Variants in HYDIN observed in about 807,000 individuals in gnomAD.
The protein encoded by HYDIN is axonemal central pair apparatus protein HYDIN.
HYDIN carries 132 observed loss-of-function variants against 403.9 expected under a neutral mutation model. The ratio of observed to expected loss-of-function variants is 0.33; its 90% CI spans 0.28 to 0.38. The LOEUF is 0.38. Ranked by LOEUF, HYDIN falls within the 10% of genes least tolerant of loss-of-function variation. HYDIN has a pLI of 1.00. For missense variants in HYDIN, 2,827 were observed against 5,009.5 expected, an observed-to-expected ratio of 0.56 and a Z score of 13.15; for synonymous variants, 1,202 against 1,891.7, an observed-to-expected ratio of 0.64 and a Z score of 9.46.
intron 10 of HYDIN, among the ~76,000 whole-genome samples, chr16:71,106,734 A>T (rs980663090): frequency 1.5e-4 from 23 of 151,496 alleles, no homozygotes; most frequent in African/African-American, 4.9e-4. Flanking sequence ...GAGCAAAAGT[A>T]GCAACATAGA....
In HYDIN at chr16:70,932,299, G is replaced by A. The variant is rs2077367423; in HGVS notation, c.7158+3653C>T. Among the ~76,000 whole-genome samples the A allele has an allele frequency of 2.0e-5, 3 of 152,242 alleles. No homozygotes were observed. The South Asian group carries it at 6.2e-4, about 32-fold the overall frequency. ...GAACATGGGAAGCGGAGGTTGCAGT[G>A]AGCCGAGATCGAGCCACTGCATTCC... On this transcript the variant is annotated intron_variant, in intron 45 of 85. Transcript: ENST00000393567.
intron 45 of HYDIN, among the ~76,000 whole-genome samples, chr16:70,934,223 C>T (rs890446548): frequency 2.6e-5 from 4 of 151,724 alleles, no homozygotes; most frequent in Admixed American, 6.6e-5. Context: ...GGGTAGGAAA[C>T]GGGGAGGCAG....
rs1278331247 is a variant in HYDIN, at chr16:71,170,425, G to C, written c.516+5182C>G. 5.9e-5 allele frequency among the ~76,000 whole-genome samples: 9 copies of C among 152,046 alleles called. No homozygotes were observed. The South Asian group carries it at 6.2e-4, about 11-fold the overall frequency. ...AGGAAGTACCACATCACCTGTGAAG[G>C]ATTCTTGATCAAAAAGAAAAAATTG... On this transcript the variant is annotated intron_variant, in intron 5 of 85. Coordinates refer to ENST00000393567, the MANE Select transcript of HYDIN (RefSeq NM_001270974.2).
rs369447981 is a variant in HYDIN at position 70,892,369 on chromosome 16, G to T, written c.9409C>A (p.Arg3137Ser). Residue 3137 changes from arginine to serine, a missense_variant, in exon 56 of 86, where the codon CGC becomes AGC. Transcript: ENST00000393567. Reference sequence around the variant, plus strand: ...CTTTGGAGCTCTCTTACCTGACAGCGCAGAACAGGCTGGTGCTCAATCTTC... The same window carrying T: ...CTTTGGAGCTCTCTTACCTGACAGCTCAGAACAGGCTGGTGCTCAATCTTC... ...EVKIEHQPVL[R>S]CQIIEPNISE... 6.4e-7 allele frequency: 1 copy of T among 1,559,836 alleles called. No homozygotes were observed. The highest frequency in any genetic ancestry group is 2.2e-5 in the East Asian group (1 of 44,676).
intron 1 of HYDIN, among the ~76,000 whole-genome samples, chr16:71,200,250 T>C (rs1176688296): frequency 1.3e-5 from 2 of 152,200 alleles, no homozygotes; most frequent in African/African-American, 4.8e-5. Context: ...GGCTGCTCTG[T>C]CTATGGAGTA....
At chr16:71,192,384 C>A in intron 1 of HYDIN, among the ~76,000 whole-genome samples, 1 of 152,146 alleles carries the variant, frequency 6.6e-6, no homozygotes, top group East Asian at 1.9e-4. Context: ...CCACAGTGAC[C>A]TTTCCAAAGG....
intron 45 of HYDIN, among the ~76,000 whole-genome samples, chr16:70,934,050 C>T (rs1337145454): frequency 6.6e-6 from 1 of 152,090 alleles, no homozygotes; most frequent in African/African-American, 2.4e-5. Flanking sequence ...AAAGGGCGGA[C>T]CAGGATGCTA....
chr16:70,807,490 G>T lies in HYDIN; in HGVS notation c.*90C>A. ...TAATTGTATGAGAAGAATAAAAACA[G>T]TTCCTTTAGAATTCTTATTGTTTTC... On this transcript the variant is annotated 3_prime_UTR_variant, in exon 86 of 86. Coordinates refer to ENST00000393567, the MANE Select transcript of HYDIN (RefSeq NM_001270974.2). 4 of 1,404,364 alleles carry T rather than the reference G, an allele frequency of 2.8e-6. 1 individual carries two copies. In the South Asian group the frequency reaches 5.6e-5, roughly 20 times the overall value. 87.0% of individuals were successfully genotyped at this position (1,404,364 alleles called of 1,614,324 possible).
chr16:70,819,241 T>A (rs1937539360), intron 83 of HYDIN, among the ~76,000 whole-genome samples: 4 of 151,920 alleles, frequency 2.6e-5, no homozygotes, highest in Non-Finnish European at 4.4e-5. Flanking sequence ...CTATTCCTGT[T>A]GCTGCTGGGA....
intron 22 of HYDIN, among the ~76,000 whole-genome samples, chr16:71,019,953 G>A (rs2144123752): frequency 6.6e-6 from 1 of 152,384 alleles, no homozygotes; most frequent in Admixed American, 6.5e-5. Context: ...TCCTGGTTCT[G>A]CCACTTACTA....
intron 3 of HYDIN, among the ~76,000 whole-genome samples, chr16:71,183,819 C>G (rs964335832): frequency 6.6e-6 from 1 of 152,048 alleles, no homozygotes; most frequent in African/African-American, 2.4e-5. Flanking sequence ...AAATAACCAA[C>G]TGAATTAAAG....
rs1220781156 is a variant in HYDIN, at chr16:70,938,754, T to C, written c.6855A>G (p.Glu2285=). ...AQEKAKKEQE[E]RKHKGALEKE... ...TCTCAAGAGCTCCCTTGTGCTTGCG[T>C]TCTGTGAGGGGAACAGAGACGGGAA... Residue 2285 remains glutamate, a splice_region_variant and synonymous_variant, in exon 44 of 86, where the codon GAA becomes GAG. Transcript: ENST00000393567. 6.2e-7 allele frequency: 1 copy of C among 1,614,056 alleles called. No individual in the cohort carries two copies. The highest frequency in any genetic ancestry group is 8.5e-7 in the Non-Finnish European group (1 of 1,180,018).
chr16:70,982,424 A>G (rs2079074360), intron 28 of HYDIN, among the ~76,000 whole-genome samples: 2 of 151,240 alleles, frequency 1.3e-5, no homozygotes, highest in South Asian at 4.2e-4. Flanking sequence ...TGACCCATTC[A>G]GGAAATAGAA....
Position 70,908,406 on chromosome 16 carries a change from C to T in HYDIN, c.8242G>A (p.Ala2748Thr). The T allele has an allele frequency of 7.9e-7, 1 of 1,258,484 alleles. No homozygotes were observed. Among genetic ancestry groups the T allele is most frequent in the Non-Finnish European group, 1.1e-6 (1 of 913,392 alleles). 78.0% of individuals were successfully genotyped at this position (1,258,484 alleles called of 1,614,324 possible). A position where few individuals can be genotyped will look rare whatever the true frequency, so the allele number is the denominator to read the frequency against. ...ACCTGCAACGTTACCTCGCCATTGG[C>T]TGGCACGATCCACCGGAAGTGATTC... ...RLNHFRWIVP[A>T]NGEVTLQVHF... Residue 2748 changes from alanine (A) to threonine (T), a missense_variant, in exon 49 of 86, where the codon GCC becomes ACC. Ala to Thr is a moderately conservative substitution (Grantham distance 58, BLOSUM62 0). Coordinates refer to ENST00000393567, the MANE Select transcript of HYDIN (RefSeq NM_001270974.2).
intron 22 of HYDIN, among the ~76,000 whole-genome samples, chr16:71,019,710 T>C (rs867398150): frequency 6.6e-6 from 1 of 152,318 alleles, no homozygotes. Flanking sequence ...AAACGAGAAA[T>C]TTATCCCAAA....
intron 67 of HYDIN, among the ~76,000 whole-genome samples, chr16:70,864,053 G>A (rs1268506520): frequency 3.3e-5 from 5 of 151,792 alleles, no homozygotes; most frequent in African/African-American, 1.2e-4. Flanking sequence ...GAACAGGGCT[G>A]GGTGCGGTGG....
chr16:70,861,354 G>A (rs1253340129), intron 69 of HYDIN, among the ~76,000 whole-genome samples: 1 of 152,008 alleles, frequency 6.6e-6, no homozygotes, highest in African/African-American at 2.4e-5. Flanking sequence ...ATGACTGCAG[G>A]AGGTCAAGGA....
At chr16:71,028,886 T>C (rs2080809695) in intron 19 of HYDIN, among the ~76,000 whole-genome samples, 1 of 151,490 alleles carries the variant, frequency 6.6e-6, no homozygotes, top group Non-Finnish European at 1.5e-5. Flanking sequence ...CAACATATAC[T>C]GTTTATAAAA....
At chr16:70,953,609 C>T (rs1450379272) in intron 40 of HYDIN, among the ~76,000 whole-genome samples, 7 of 152,242 alleles carry the variant, frequency 4.6e-5, no homozygotes, top group South Asian at 2.1e-4. Context: ...TAACCTGCCT[C>T]GTCCAGCAAA....
Sources: gnomAD v4.1 joint callset for allele counts (sites outside exome capture counted in the v4.1 genomes callset) on GRCh38, gnomAD v4.1.1 for gene constraint, MANE v1.5 for transcripts, NCBI Gene and HGNC (gene_info 2026-07-23, HGNC 2026-07-21) for gene names.